The following ZSWIM5 variants were observed in gnomAD, a reference collection of about 807,000 sequenced individuals.
ZSWIM5 encodes zinc finger SWIM domain-containing protein 5.
In ZSWIM5, 55 loss-of-function variants were observed where a neutral mutation model predicts 119.6. That is an observed-to-expected ratio of 0.46 (90% confidence interval 0.37 to 0.58). ZSWIM5 has a LOEUF of 0.58. Among genes scored for constraint, ZSWIM5 ranks in the 20% least tolerant of loss-of-function variants. ZSWIM5 has a pLI of 0.00. For synonymous variants in ZSWIM5, 537 were observed against 606.9 expected (o/e 0.88, Z 1.69); for missense variants, 1,193 against 1,512.8 (o/e 0.79, Z 3.51).
chr1:45,096,552 ACGC>A (rs1645404393), intron 1 of ZSWIM5, among the ~76,000 whole-genome samples: 1 of 144,556 alleles, frequency 6.9e-6, no homozygotes, highest in Non-Finnish European at 1.5e-5. Context: ...ACACACACAC[ACGC>A]ACACACACAC....
chr1:45,205,963 C>G lies in ZSWIM5; in HGVS notation c.388G>C (p.Ala130Pro). Residue 130 changes from alanine (A) to proline (P), a missense_variant, in exon 1 of 14, where the codon GCG becomes CCG. This residue lies in a region of ZSWIM5 where 232 missense variants were observed against 222.9 expected (regional missense o/e 1.04). Coordinates refer to ENST00000359600, the MANE Select transcript of ZSWIM5 (RefSeq NM_020883.2). ...CCCTCCTCGGCCGGCGAAGCCCCCG[C>G]GGCGCCGCCAGCAGCGCCGGCGCCG... ...GPGAGAAGGA[A>P]GASPAEEGPQ... 2 of 1,344,648 alleles carry G rather than the reference C, an allele frequency of 1.5e-6. No individual in the cohort carries two copies. Among genetic ancestry groups the G allele is most frequent in the Non-Finnish European group, 1.9e-6 (2 of 1,047,120 alleles). The allele number at this position is 1,344,648 out of a possible 1,614,324, so 83.3% of individuals were successfully genotyped here. A position where few individuals can be genotyped will look rare whatever the true frequency, so the allele number is the denominator to read the frequency against.
intron 1 of ZSWIM5, among the ~76,000 whole-genome samples, chr1:45,188,448 T>C (rs930635660): frequency 6.6e-5 from 10 of 152,084 alleles, no homozygotes; most frequent in Non-Finnish European, 1.0e-4. Flanking sequence ...TGGGATTGGA[T>C]TGGGGAGTGA....
At chr1:45,027,642 C>T (rs138478201) in intron 11 of ZSWIM5, among the ~76,000 whole-genome samples, 2 of 152,066 alleles carry the variant, frequency 1.3e-5, no homozygotes, top group Non-Finnish European at 2.9e-5. Context: ...ATGATTGCCT[C>T]GGCCTCTCAA....
chr1:45,035,068 T>C (rs1192082561), intron 10 of ZSWIM5, among the ~76,000 whole-genome samples: 1 of 152,146 alleles, frequency 6.6e-6, no homozygotes. Context: ...GATTATAGGC[T>C]TGAGCCACCG....
chr1:45,183,768 A>G (rs998159213), intron 1 of ZSWIM5, among the ~76,000 whole-genome samples: 2 of 152,230 alleles, frequency 1.3e-5, no homozygotes, highest in African/African-American at 4.8e-5. Flanking sequence ...TAGCTTACCA[A>G]CCAAAAAGAG....
intron 5 of ZSWIM5, among the ~76,000 whole-genome samples, chr1:45,047,890 T>C (rs1288329998): frequency 2.0e-5 from 3 of 152,074 alleles, no homozygotes; most frequent in Non-Finnish European, 4.4e-5. Flanking sequence ...CAGAAAATTT[T>C]AGGAAAAAGA....
chr1:45,140,006 A>T (rs570528277), intron 1 of ZSWIM5, among the ~76,000 whole-genome samples: 223 of 152,352 alleles, frequency 1.5e-3, no homozygotes, highest in African/African-American at 5.1e-3. Flanking sequence ...TATTAAAAGA[A>T]AAACAATAAC....
intron 2 of ZSWIM5, among the ~76,000 whole-genome samples, chr1:45,079,708 A>G (rs1645277914): frequency 6.6e-6 from 1 of 152,176 alleles, no homozygotes; most frequent in African/African-American, 2.4e-5. Context: ...CATAGCCACC[A>G]CAGCTGGGAA....
At chr1:45,129,223 ATCT>A (rs1439844680) in intron 1 of ZSWIM5, among the ~76,000 whole-genome samples, 3 of 143,958 alleles carry the variant, frequency 2.1e-5, no homozygotes, top group Non-Finnish European at 4.5e-5. Context: ...CAATTGCGCA[ATCT>A]CAGCTCACTG....
At chr1:45,102,614 T>A (rs1645446510) in intron 1 of ZSWIM5, among the ~76,000 whole-genome samples, 1 of 152,234 alleles carries the variant, frequency 6.6e-6, no homozygotes. Flanking sequence ...AAGGACTTAA[T>A]AACTGACTGT....
chr1:45,186,013 A>C (rs902340343), intron 1 of ZSWIM5, among the ~76,000 whole-genome samples: 11 of 152,240 alleles, frequency 7.2e-5, no homozygotes. Flanking sequence ...AATGTCCAAC[A>C]ATGATAGACT....
intron 1 of ZSWIM5, among the ~76,000 whole-genome samples, chr1:45,113,092 A>AT (rs1240959040): frequency 2.6e-5 from 4 of 152,214 alleles, no homozygotes; most frequent in African/African-American, 7.2e-5. Context: ...AGTGTTAGCT[A>AT]TTTTTTATTA....
intron 1 of ZSWIM5, among the ~76,000 whole-genome samples, chr1:45,162,816 G>T (rs1645871711): frequency 6.6e-6 from 1 of 152,344 alleles, no homozygotes; most frequent in South Asian, 2.1e-4. Context: ...AAGCAAAGCT[G>T]CCAGGAAGCT....
intron 12 of ZSWIM5, 129 bp from the exon 13 acceptor site, chr1:45,020,276 A>C (rs1243994785): frequency 1.3e-6 from 1 of 751,082 alleles, no homozygotes; most frequent in African/African-American, 1.7e-5. Flanking sequence ...GATAAACATA[A>C]AATACAGTTA....
At position 45,028,773 on chromosome 1, in the gene ZSWIM5, A is replaced by T. The variant is rs149238774; in HGVS notation, c.2449+5539T>A. On this transcript the variant is annotated intron_variant, in intron 11 of 13. Coordinates refer to ENST00000359600, the MANE Select transcript of ZSWIM5 (RefSeq NM_020883.2). ...CTGTCTCAAAAAATAAAAATAAAAA[A>T]AAATAAATAAAAATAATAATTTTCC... is the stretch of plus-strand genomic sequence containing the variant. 4.8e-3 allele frequency among the ~76,000 whole-genome samples: 722 copies of T among 151,932 alleles called. 2 individuals are homozygous for T. The highest frequency in any genetic ancestry group is 0.016 in the African/African-American group (661 of 41,454).
intron 2 of ZSWIM5, among the ~76,000 whole-genome samples, chr1:45,081,978 T>C (rs1221706591): frequency 1.3e-5 from 2 of 152,030 alleles, no homozygotes; most frequent in Non-Finnish European, 2.9e-5. Context: ...TTTTGTTCTG[T>C]ACTAAGAAAA....
chr1:45,180,826 T>C (rs912763033), intron 1 of ZSWIM5, among the ~76,000 whole-genome samples: 10 of 151,940 alleles, frequency 6.6e-5, no homozygotes, highest in African/African-American at 2.4e-4. Context: ...GCAAACAGGG[T>C]CTGGAGTGGA....
chr1:45,117,555 C>G (rs1320175562), intron 1 of ZSWIM5, among the ~76,000 whole-genome samples: 3 of 152,146 alleles, frequency 2.0e-5, no homozygotes, highest in African/African-American at 7.2e-5. Context: ...TACTTGTAGT[C>G]CCAGCTACCT....
Position 45,053,762 on chromosome 1 carries a change from CAAAAAAAA to C in ZSWIM5, c.1253-2517_1253-2510del, listed in dbSNP as rs10675427. Among the ~76,000 whole-genome samples the C allele has an allele frequency of 1.5e-4, 14 of 92,070 alleles. No individual in the cohort carries two copies. The East Asian group carries it at 2.1e-3, about 14-fold the overall frequency. The allele number at this position is 92,070 out of a possible 152,430, so 60.4% of individuals were successfully genotyped here. Reference sequence around the variant, plus strand: ...TGGGCGACAGAGCGAGACTCTGTTTCAAAAAAAAAAAAAAAAAAAAAGGATCCCTAGAA... The same window carrying C: ...TGGGCGACAGAGCGAGACTCTGTTTCAAAAAAAAAAAAAGGATCCCTAGAA... On this transcript the variant is annotated intron_variant, in intron 4 of 13. Transcript: ENST00000359600.
Sources: allele counts gnomAD v4.1 joint callset (sites outside exome capture counted in the v4.1 genomes callset), GRCh38; gene constraint gnomAD v4.1.1; regional missense constraint gnomAD v4.1.1; transcripts MANE v1.5; gene names NCBI Gene and HGNC (gene_info 2026-07-23, HGNC 2026-07-21).